Variants in ABHD17C observed in about 807,000 individuals in gnomAD.
ABHD17C encodes abhydrolase domain containing 17C, depalmitoylase, also known as alpha/beta hydrolase domain-containing protein 17C.
Under a neutral mutation model 27.9 loss-of-function variants are expected in ABHD17C, and 11 were observed. That is an observed-to-expected ratio of 0.39 (90% confidence interval 0.25 to 0.65). ABHD17C has a LOEUF of 0.65. Among genes scored for constraint, ABHD17C ranks in the 30% least tolerant of loss-of-function variants. The pLI, the probability that ABHD17C is intolerant of heterozygous loss-of-function variation, is 0.45. For missense variants in ABHD17C, 280 were observed against 470.2 expected (o/e 0.60, Z 3.74); for synonymous variants, 233 against 209.1 (o/e 1.11, Z -0.98).
At chr15:80,746,739 C>G (rs958665825) in intron 1 of ABHD17C, among the ~76,000 whole-genome samples, 3 of 152,236 alleles carry the variant, frequency 2.0e-5, no homozygotes, top group South Asian at 4.1e-4. Context: ...GCGCTTCCCT[C>G]TGCCTTGTCT....
At chr15:80,705,368 G>GTGTGTGTGTGTGTGTGTGTGTGTGT (rs1555421876) in intron 1 of ABHD17C, among the ~76,000 whole-genome samples, 1 of 4,336 alleles carries the variant, frequency 2.3e-4, no homozygotes, top group South Asian at 2.6e-3. Context: ...TGTGTGTGTG[G>GTGTGTGTGTGTGTGTGTGTGTGTGT]TTAGGAGCAT....
intron 1 of ABHD17C, among the ~76,000 whole-genome samples, chr15:80,705,333 T>TG (rs1555421865): frequency 9.4e-6 from 1 of 106,822 alleles, no homozygotes; most frequent in Non-Finnish European, 1.9e-5. Flanking sequence ...TTCCTATGAT[T>TG]TGTGTGTGTG....
chr15:80,697,420 T>G (rs1290611460), intron 1 of ABHD17C, among the ~76,000 whole-genome samples: 1 of 152,234 alleles, frequency 6.6e-6, no homozygotes, highest in African/African-American at 2.4e-5. Flanking sequence ...GTATTAAAAA[T>G]AAGGTTGGCA....
chr15:80,710,023 G>A (rs1280195982), intron 1 of ABHD17C, among the ~76,000 whole-genome samples: 1 of 152,186 alleles, frequency 6.6e-6, no homozygotes, highest in Non-Finnish European at 1.5e-5. Flanking sequence ...ATAAGTGCTA[G>A]AGGAAAACAT....
At chr15:80,701,194 G>A (rs1894566883) in intron 1 of ABHD17C, among the ~76,000 whole-genome samples, 1 of 152,074 alleles carries the variant, frequency 6.6e-6, no homozygotes, top group Non-Finnish European at 1.5e-5. Context: ...ACCTTCTGTT[G>A]GTTGTGAATG....
At chr15:80,724,818 C>G (rs1452007764) in intron 1 of ABHD17C, among the ~76,000 whole-genome samples, 1 of 152,158 alleles carries the variant, frequency 6.6e-6, no homozygotes, top group Non-Finnish European at 1.5e-5. Context: ...CTAGTTTTAT[C>G]AGGGATGGAG....
intron 1 of ABHD17C, among the ~76,000 whole-genome samples, chr15:80,707,835 C>T (rs1435772593): frequency 6.6e-6 from 1 of 152,090 alleles, no homozygotes; most frequent in East Asian, 1.9e-4. Flanking sequence ...TTTTGAGCCC[C>T]AATACCATCA....
Position 80,755,519 on chromosome 15 carries a change from C to G in ABHD17C, c.*1149C>G, listed in dbSNP as rs1453438248. Reference sequence around the variant, plus strand: ...AAAGCCTTAAATGTACTGTAAGCCTCAGATCGTTGTACAACTGGACTGCGG... The same window carrying G: ...AAAGCCTTAAATGTACTGTAAGCCTGAGATCGTTGTACAACTGGACTGCGG... On this transcript the variant is annotated 3_prime_UTR_variant, in exon 3 of 3. Transcript: ENST00000258884. 1 of 152,076 alleles carries G rather than the reference C, an allele frequency of 6.6e-6. No individual in the cohort carries two copies. Among genetic ancestry groups the G allele is most frequent in the Non-Finnish European group, 1.5e-5 (1 of 68,022 alleles). 9.4% of individuals were successfully genotyped at this position (152,076 alleles called of 1,614,324 possible).
chr15:80,733,585 G>A (rs1567036524), intron 1 of ABHD17C, among the ~76,000 whole-genome samples: 6 of 152,148 alleles, frequency 3.9e-5, no homozygotes, highest in African/African-American at 9.7e-5. Flanking sequence ...GGTCATACAC[G>A]TTCTCTATCC....
chr15:80,728,608 T>C (rs1486476193), intron 1 of ABHD17C, among the ~76,000 whole-genome samples: 4 of 152,238 alleles, frequency 2.6e-5, no homozygotes, highest in African/African-American at 9.6e-5. Context: ...TAGTGATTTG[T>C]GGGCTCAGAG....
chr15:80,697,015 CG>C (rs1894504542), intron 1 of ABHD17C, among the ~76,000 whole-genome samples: 1 of 152,046 alleles, frequency 6.6e-6, no homozygotes, highest in Admixed American at 6.6e-5. Flanking sequence ...GGAAGTACAC[CG>C]GGCATTATTG....
At chr15:80,708,350 C>T (rs1275659321) in intron 1 of ABHD17C, among the ~76,000 whole-genome samples, 1 of 152,102 alleles carries the variant, frequency 6.6e-6, no homozygotes, top group East Asian at 1.9e-4. Context: ...GAGTCTTGCT[C>T]TGTCGCCCAG....
intron 1 of ABHD17C, among the ~76,000 whole-genome samples, chr15:80,705,728 C>T (rs539279214): frequency 4.1e-4 from 63 of 152,152 alleles, no homozygotes; most frequent in African/African-American, 1.5e-3. Flanking sequence ...AGTGGAGGAA[C>T]GGTAAAGGTG....
At chr15:80,732,818 C>T in intron 1 of ABHD17C, among the ~76,000 whole-genome samples, 2 of 152,140 alleles carry the variant, frequency 1.3e-5, no homozygotes, top group East Asian at 3.9e-4. Context: ...CAAGAGTGGG[C>T]AGTGCTGAGC....
intron 2 of ABHD17C, 117 bp from the exon 3 acceptor site, chr15:80,754,034 C>A: frequency 1.2e-6 from 1 of 828,768 alleles, no homozygotes; most frequent in Non-Finnish European, 1.9e-6. Flanking sequence ...AAAAAAAACC[C>A]ACGGTGTTAT....
chr15:80,733,785 A>G (rs139844242), intron 1 of ABHD17C, among the ~76,000 whole-genome samples: 1 of 152,290 alleles, frequency 6.6e-6, no homozygotes, highest in Non-Finnish European at 1.5e-5. Flanking sequence ...AGATAAAACA[A>G]TTAGAAATTA....
chr15:80,726,380 A>T (rs1894975540), intron 1 of ABHD17C, among the ~76,000 whole-genome samples: 1 of 151,230 alleles, frequency 6.6e-6, no homozygotes, highest in Non-Finnish European at 1.5e-5. Flanking sequence ...TGCTCCCAAC[A>T]TTGCTGTTTT....
intron 1 of ABHD17C, among the ~76,000 whole-genome samples, chr15:80,735,604 G>T (rs1017654779): frequency 6.6e-5 from 10 of 152,040 alleles, no homozygotes; most frequent in African/African-American, 2.4e-4. Flanking sequence ...CTCCAGCCAG[G>T]GCGGGCTCCA....
chr15:80,746,390 G>A (rs796559644), intron 1 of ABHD17C, among the ~76,000 whole-genome samples: 2 of 151,796 alleles, frequency 1.3e-5, no homozygotes, highest in African/African-American at 4.8e-5. Context: ...TCTTATGGGT[G>A]TCTTCTGATG....
Sources: allele counts gnomAD v4.1 joint callset (sites outside exome capture counted in the v4.1 genomes callset), GRCh38; gene constraint gnomAD v4.1.1; transcripts MANE v1.5; gene names NCBI Gene and HGNC (gene_info 2026-07-23, HGNC 2026-07-21).